PDZD7: variants seen among roughly 807,000 people sequenced by gnomAD.
PDZD7 encodes the protein PDZ domain-containing protein 7.
A neutral mutation model predicts 84.7 loss-of-function variants in PDZD7; 72 were observed. The observed-to-expected ratio is 0.85, with a 90% CI of 0.70 to 1.03. The LOEUF is 1.03. Ranked by LOEUF, PDZD7 falls within the 50% of genes least tolerant of loss-of-function variation. The probability of loss-of-function intolerance (pLI) is 0.00; values close to 1 mark genes in which losing one functional copy is unlikely to be tolerated. For missense variants in PDZD7, 1,490 were observed against 1,412.9 expected, an observed-to-expected ratio of 1.05 and a Z score of -0.87; for synonymous variants, 594 against 580.7, an observed-to-expected ratio of 1.02 and a Z score of -0.33.
chr10:101,024,767 T>C (rs1351604886), intron 2 of PDZD7, among the ~76,000 whole-genome samples: 1 of 138,148 alleles, frequency 7.2e-6, no homozygotes, highest in Non-Finnish European at 1.5e-5. Flanking sequence ...GAGACCCCTG[T>C]CTCAAAAAAA....
At chr10:101,011,243 T>C in intron 14 of PDZD7, 2 of 424,188 alleles carry the variant, frequency 4.7e-6, no homozygotes, top group Non-Finnish European at 7.6e-6. Context: ...GGTTTCGCCA[T>C]GTTGGCCAGG....
rs537081404 is a variant in PDZD7, at chr10:101,024,028, C to T, written c.267G>A (p.Val89=). Residue 89 remains valine (V), a synonymous_variant, in exon 3 of 17, where the codon GTG becomes GTA. Coordinates refer to ENST00000619208, the MANE Select transcript of PDZD7 (RefSeq NM_001195263.2). ...CCAGCCTCCCTGCTGGACTCTTCTC[C>T]ACCCGGACTGAATGGATGATGTCAC... ...DESDIIHSVR[V]EKSPAGRLGF... 4 of 1,614,270 alleles carry T rather than the reference C, an allele frequency of 2.5e-6. No individual in the cohort carries two copies. Among genetic ancestry groups the T allele is most frequent in the African/African-American group, 1.3e-5 (1 of 75,080 alleles).
At chr10:101,011,815 C>A (rs1852402697) in intron 13 of PDZD7, 54 bp from the exon 14 acceptor site, 3 of 1,550,514 alleles carry the variant, frequency 1.9e-6, no homozygotes, top group Non-Finnish European at 8.7e-7. Flanking sequence ...GGCTCCGGGA[C>A]GGAGGCAGCT....
At position 101,018,226 on chromosome 10, in the gene PDZD7, C is replaced by G; in HGVS notation, c.1395G>C (p.Lys465Asn). 6.2e-7 allele frequency: 1 copy of G among 1,614,216 alleles called. No individual in the cohort carries two copies. The highest frequency in any genetic ancestry group is 8.5e-7 in the Non-Finnish European group (1 of 1,180,046). ...CCTTGAAGAAGAGGTTCATCAGCGT[C>G]TTGGAGCGCTGCAGGGCACCCTTCT... is the stretch of plus-strand genomic sequence containing the variant. ...PGEKGALQRS[K>N]TLMNLFFKGG... Residue 465 changes from lysine (K) to asparagine (N), a missense_variant, in exon 9 of 17, where the codon AAG (lysine) becomes AAC (asparagine). Coordinates refer to ENST00000619208, the MANE Select transcript of PDZD7 (RefSeq NM_001195263.2).
Position 101,030,408 on chromosome 10 carries a change from G to C in PDZD7, c.-165-24C>G, listed in dbSNP as rs544994531. On this transcript the variant is annotated intron_variant, in intron 1 of 16. Transcript: ENST00000619208. ...GCCTGGGCAGGGAGAGCAGGGATGA[G>C]GGAGGGGTGTAAATGTTTCCCCTGC... 283 of 696,870 alleles carry C rather than the reference G, an allele frequency of 4.1e-4. No homozygotes were observed. In the African/African-American group the frequency reaches 4.7e-3, roughly 12 times the overall value. 43.2% of individuals were successfully genotyped at this position (696,870 alleles called of 1,614,324 possible).
intron 10 of PDZD7, 83 bp from the exon 11 acceptor site, chr10:101,015,894 A>G (rs1331434606): frequency 6.3e-6 from 9 of 1,427,234 alleles, no homozygotes; most frequent in Non-Finnish European, 8.4e-6. Context: ...CTGAGAGCCC[A>G]GGTACCTGGG....
rs892434373 is a variant in PDZD7, at chr10:101,008,824, G to A, written c.2745C>T (p.Asp915=). Residue 915 remains aspartate (D), a synonymous_variant, in exon 17 of 17, where the codon GAC becomes GAT. Coordinates refer to ENST00000619208, the MANE Select transcript of PDZD7 (RefSeq NM_001195263.2). The part of the protein sequence containing the change: ...LQAGFELVAV[D]GENLEQVTHQ... ...GGGTCACCTGCTCTAGATTCTCTCC[G>A]TCCACTGCCACAAGCTCGAAGCCAG... 23 of 1,511,550 alleles carry A rather than the reference G, an allele frequency of 1.5e-5. No homozygotes were observed. The highest frequency in any genetic ancestry group is 8.3e-5 in the African/African-American group (6 of 72,526). 93.6% of individuals were successfully genotyped at this position (1,511,550 alleles called of 1,614,324 possible). A position where few individuals can be genotyped will look rare whatever the true frequency, so the allele number is the denominator to read the frequency against.
At chr10:101,026,692 C>G (rs1009748001) in intron 2 of PDZD7, among the ~76,000 whole-genome samples, 1 of 151,336 alleles carries the variant, frequency 6.6e-6, no homozygotes, top group African/African-American at 2.4e-5. Flanking sequence ...CACACACACA[C>G]ACACACACAC....
intron 9 of PDZD7, chr10:101,017,416 A>C: frequency 2.3e-6 from 1 of 437,650 alleles, no homozygotes; most frequent in Non-Finnish European, 4.0e-6. Context: ...CTTTAGAGAC[A>C]GGGTCTTGCT....
In PDZD7 at chr10:101,008,862, TGAGA is replaced by T. The variant is rs748764184; in HGVS notation, c.2719-16_2719-13del. On this transcript the variant is annotated splice_polypyrimidine_tract_variant and intron_variant, in intron 16 of 16. Transcript: ENST00000619208. ...AGCTCGAAGCCAGCCTAGGGTGGGG[TGAGA>T]GAGTCACATCCCTCCCTCCTCATGT... 104 of 1,476,464 alleles carry T rather than the reference TGAGA, an allele frequency of 7.0e-5. No homozygotes were observed. Among genetic ancestry groups the T allele is most frequent in the Non-Finnish European group, 8.6e-5 (96 of 1,114,642 alleles). The allele number at this position is 1,476,464 out of a possible 1,614,324, so 91.5% of individuals were successfully genotyped here.
At chr10:101,021,983 C>T in intron 5 of PDZD7, 38 bp from the exon 6 acceptor site, 1 of 1,611,844 alleles carries the variant, frequency 6.2e-7, no homozygotes, top group East Asian at 2.2e-5. Flanking sequence ...AGGCCCCTGG[C>T]CTGCCCTCCG....
chr10:101,012,825 T>C (rs1852443554), intron 11 of PDZD7, among the ~76,000 whole-genome samples: 1 of 152,198 alleles, frequency 6.6e-6, no homozygotes, highest in African/African-American at 2.4e-5. Flanking sequence ...CAAATTAGGC[T>C]TTGTTCGGGG....
At chr10:101,014,737 ACAAT>A (rs1852535888) in intron 11 of PDZD7, among the ~76,000 whole-genome samples, 1 of 152,048 alleles carries the variant, frequency 6.6e-6, no homozygotes. Context: ...ACACACACAC[ACAAT>A]CATGCAGTCA....
chr10:101,015,097 C>T (rs914150749), intron 11 of PDZD7, among the ~76,000 whole-genome samples: 5 of 152,174 alleles, frequency 3.3e-5, no homozygotes, highest in African/African-American at 7.2e-5. Context: ...GAACAGAGAA[C>T]GACAGTTTAG....
intron 8 of PDZD7, 151 bp downstream of exon 8, chr10:101,018,671 C>T (rs1852852357): frequency 9.5e-7 from 1 of 1,050,502 alleles, no homozygotes; most frequent in Non-Finnish European, 1.3e-6. Flanking sequence ...AAGTGGAGCC[C>T]ACAGCAGGGT....
intron 4 of PDZD7, 74 bp from the exon 5 acceptor site, chr10:101,022,459 C>A: frequency 1.3e-6 from 2 of 1,577,276 alleles, no homozygotes; most frequent in Non-Finnish European, 1.7e-6. Context: ...GCAGTTCTGA[C>A]AACTGCAGGG....
rs1012763576 is a variant in PDZD7 at position 101,011,451 on chromosome 10, A to T, written c.2005+239T>A. 5.0e-6 allele frequency: 6 copies of T among 1,202,988 alleles called. No homozygotes were observed. The African/African-American group carries it at 9.2e-5, about 18-fold the overall frequency. 74.5% of individuals were successfully genotyped at this position (1,202,988 alleles called of 1,614,324 possible). On this transcript the variant is annotated intron_variant, in intron 14 of 16. Transcript: ENST00000619208. The stretch of plus-strand genomic sequence containing the variant: ...CGTAATTTCTCAGAGGTTACTGCAT[A>T]GAATGAGACTAGATTTTAAAAGTGA...
Position 101,030,145 on chromosome 10 carries a change from G to C in PDZD7, c.75C>G (p.Leu25=). The C allele has an allele frequency of 6.2e-7, 1 of 1,614,152 alleles. No individual in the cohort carries two copies. Among genetic ancestry groups the C allele is most frequent in the South Asian group, 1.1e-5 (1 of 91,086 alleles). Residue 25 remains leucine, a synonymous_variant, in exon 2 of 17, where the codon CTC becomes CTG. Coordinates refer to ENST00000619208, the MANE Select transcript of PDZD7 (RefSeq NM_001195263.2). ...GDLSSGSLSS[L]SSRGHLGSDS... is the part of the protein sequence containing the mutation. ...CGCTGCCTAGGTGGCCTCGGGAGGA[G>C]AGGGAGCTCAGAGAGCCGGAGCTCA...
intron 8 of PDZD7, 138 bp downstream of exon 8, chr10:101,018,684 G>T: frequency 8.6e-7 from 1 of 1,157,490 alleles, no homozygotes; most frequent in Non-Finnish European, 1.2e-6. Context: ...AGCAGGGTCT[G>T]AGCAGCCTGG....
Sources: gnomAD v4.1 joint callset for allele counts (sites outside exome capture counted in the v4.1 genomes callset) on GRCh38, gnomAD v4.1.1 for gene constraint, MANE v1.5 for transcripts, NCBI Gene and HGNC (gene_info 2026-07-23, HGNC 2026-07-21) for gene names.